EPS15: variants seen among roughly 807,000 people sequenced by gnomAD.
The protein encoded by EPS15 is epidermal growth factor receptor pathway substrate 15.
A neutral mutation model predicts 113.8 loss-of-function variants in EPS15; 72 were observed. That is an observed-to-expected ratio of 0.63 (90% CI 0.52 to 0.77). EPS15 has a LOEUF of 0.77. Ranked by LOEUF, EPS15 falls within the 30% of genes least tolerant of loss-of-function variation. The probability of loss-of-function intolerance (pLI) is 0.00; values close to 1 mark genes in which losing one functional copy is unlikely to be tolerated. For synonymous variants in EPS15, 344 were observed against 363.4 expected (o/e 0.95, Z 0.61); for missense variants, 1,048 against 1,045.8 (o/e 1.00, Z -0.03).
intron 6 of EPS15, among the ~76,000 whole-genome samples, chr1:51,464,576 G>A (rs528122935): frequency 6.6e-6 from 1 of 152,024 alleles, no homozygotes; most frequent in Non-Finnish European, 1.5e-5. Flanking sequence ...TAAACATCAA[G>A]ATTTCTCCAT....
chr1:51,456,804 T>C (rs1258287681), intron 8 of EPS15, among the ~76,000 whole-genome samples: 2 of 152,212 alleles, frequency 1.3e-5, no homozygotes, highest in African/African-American at 2.4e-5. Context: ...GAGTACAGAT[T>C]ATGTTGCTCT....
intron 21 of EPS15, among the ~76,000 whole-genome samples, chr1:51,377,191 G>A (rs953598026): frequency 6.6e-6 from 1 of 152,196 alleles, no homozygotes; most frequent in Admixed American, 6.5e-5. Flanking sequence ...TTGAACCCAA[G>A]AGGCGGAAGT....
At chr1:51,395,782 G>A (rs993475355) in intron 20 of EPS15, among the ~76,000 whole-genome samples, 1 of 152,196 alleles carries the variant, frequency 6.6e-6, no homozygotes, top group Non-Finnish European at 1.5e-5. Context: ...GGGGCTAGAT[G>A]AAAGACTTGG....
intron 1 of EPS15, among the ~76,000 whole-genome samples, chr1:51,513,482 A>G (rs1361536273): frequency 1.3e-5 from 2 of 152,256 alleles, no homozygotes; most frequent in East Asian, 3.8e-4. Flanking sequence ...TATACAGTAT[A>G]CATATATATT....
At chr1:51,382,147 G>A (rs968239940) in intron 21 of EPS15, among the ~76,000 whole-genome samples, 6 of 152,178 alleles carry the variant, frequency 3.9e-5, no homozygotes, top group Admixed American at 6.5e-5. Context: ...TGTTAACACA[G>A]TGCTATGAAC....
intron 1 of EPS15, among the ~76,000 whole-genome samples, chr1:51,502,916 G>C (rs1644437773): frequency 6.7e-6 from 1 of 150,290 alleles, no homozygotes; most frequent in South Asian, 2.1e-4. Flanking sequence ...TGATGCAGCA[G>C]AATCACTTGA....
Position 51,501,781 on chromosome 1 carries a change from A to G in EPS15, c.33+17418T>C, listed in dbSNP as rs1416573443. Among the ~76,000 whole-genome samples, 3 of 151,998 alleles carry G rather than the reference A, an allele frequency of 2.0e-5. No individual in the cohort carries two copies. The East Asian group carries it at 5.8e-4, about 29-fold the overall frequency. On this transcript the variant is annotated intron_variant, in intron 1 of 24. Coordinates refer to ENST00000371733, the MANE Select transcript of EPS15 (RefSeq NM_001981.3). ...GGTGAGAGCGGCTGCACCCTGCCAC[A>G]TTATTAATTTTAAGATAAACTACAT... is the stretch of plus-strand genomic sequence containing the variant.
At chr1:51,386,865 G>C (rs1385925983) in intron 21 of EPS15, among the ~76,000 whole-genome samples, 1 of 152,132 alleles carries the variant, frequency 6.6e-6, no homozygotes, top group African/African-American at 2.4e-5. Flanking sequence ...AAAGTGACAG[G>C]GAGAATGGAA....
intron 4 of EPS15, among the ~76,000 whole-genome samples, 153 bp from the exon 5 acceptor site, chr1:51,468,721 T>G (rs985276215): frequency 6.6e-6 from 1 of 152,204 alleles, no homozygotes; most frequent in Non-Finnish European, 1.5e-5. Flanking sequence ...AAAAATATCT[T>G]GCAGAAAAAT....
At chr1:51,431,143 T>C (rs1256672927) in intron 12 of EPS15, among the ~76,000 whole-genome samples, 3 of 152,162 alleles carry the variant, frequency 2.0e-5, no homozygotes, top group African/African-American at 7.2e-5. Flanking sequence ...GGCCTCTATT[T>C]ATAGTTTGCT....
intron 13 of EPS15, among the ~76,000 whole-genome samples, chr1:51,415,697 G>A (rs554026939): frequency 0.015 from 2,295 of 149,572 alleles, 22 homozygotes; most frequent in Non-Finnish European, 0.024. Context: ...TTGGGAGGCT[G>A]AGGCAGGAGA....
chr1:51,487,766 A>G (rs901390427), intron 1 of EPS15, among the ~76,000 whole-genome samples: 1 of 152,212 alleles, frequency 6.6e-6, no homozygotes, highest in African/African-American at 2.4e-5. Context: ...AAAGTGTTCT[A>G]AAGTACACCC....
chr1:51,457,086 C>A (rs1200296123), intron 8 of EPS15, among the ~76,000 whole-genome samples: 1 of 152,026 alleles, frequency 6.6e-6, no homozygotes, highest in Non-Finnish European at 1.5e-5. Flanking sequence ...GAGATCAAGA[C>A]CATCCTGGCA....
At position 51,491,344 on chromosome 1, in the gene EPS15, A is replaced by AACC. The variant is rs1043761178; in HGVS notation, c.34-10033_34-10031dup. Among the ~76,000 whole-genome samples the AACC allele has an allele frequency of 2.3e-4, 35 of 152,254 alleles. No individual in the cohort carries two copies. In the South Asian group the frequency reaches 4.4e-3, roughly 19 times the overall value. On this transcript the variant is annotated intron_variant, in intron 1 of 24. Coordinates refer to ENST00000371733, the MANE Select transcript of EPS15 (RefSeq NM_001981.3). ...ACCACAGCCTTTCAACTCCCACCTC[A>AACC]ACCACCACCACCACCCTTTAAAGAT...
intron 1 of EPS15, among the ~76,000 whole-genome samples, chr1:51,508,338 G>GAAAGAGAGAAAGAAAGAA (rs745757925): frequency 1.6e-4 from 20 of 122,318 alleles, no homozygotes; most frequent in Non-Finnish European, 2.7e-4. Context: ...AAGAGAAAGA[G>GAAAGAGAGAAAGAAAGAA]AGAAAGAAAG....
intron 12 of EPS15, among the ~76,000 whole-genome samples, chr1:51,427,751 A>G (rs1651350440): frequency 6.6e-6 from 1 of 152,244 alleles, no homozygotes; most frequent in Non-Finnish European, 1.5e-5. Context: ...AGTAAATGTC[A>G]GGTAAGAAAA....
chr1:51,392,158 A>C (rs1249310561), intron 21 of EPS15, among the ~76,000 whole-genome samples: 1 of 152,244 alleles, frequency 6.6e-6, no homozygotes. Flanking sequence ...ATGACCAAAG[A>C]GGCAGGTGGA....
Position 51,394,385 on chromosome 1 carries a change from A to G in EPS15, c.2115T>C (p.Asp705=), listed in dbSNP as rs1277894827. ...APGGTVVAAS[D]SATDPFASVF... is the part of the protein sequence containing the mutation. ...GTTGATAAATTATTTATTTACCTGA[A>G]TCGCTTGCTGCAACAACTGTTCCAC... is the stretch of plus-strand genomic sequence containing the variant. The change falls in exon 21 of 25, where the codon GAT becomes GAC. Residue 705 remains aspartate, a synonymous_variant. Coordinates refer to ENST00000371733, the MANE Select transcript of EPS15 (RefSeq NM_001981.3). The G allele has an allele frequency of 1.3e-6, 2 of 1,592,694 alleles. No individual in the cohort carries two copies. The highest frequency in any genetic ancestry group is 8.6e-7 in the Non-Finnish European group (1 of 1,165,796).
intron 18 of EPS15, among the ~76,000 whole-genome samples, chr1:51,401,917 T>A (rs1316941215): frequency 2.0e-5 from 3 of 152,274 alleles, no homozygotes; most frequent in African/African-American, 7.2e-5. Context: ...CGTGGGCGGA[T>A]CACGAGGTCA....
Sources: gnomAD v4.1 joint callset for allele counts (sites outside exome capture counted in the v4.1 genomes callset) on GRCh38, gnomAD v4.1.1 for gene constraint, MANE v1.5 for transcripts, NCBI Gene and HGNC (gene_info 2026-07-23, HGNC 2026-07-21) for gene names.